The following ST18 variants were observed in gnomAD, a reference collection of about 807,000 sequenced individuals.
The protein encoded by ST18 is suppression of tumorigenicity 18 protein.
A neutral mutation model predicts 110.0 loss-of-function variants in ST18; 50 were observed. The ratio of observed to expected loss-of-function variants is 0.45; its 90% CI spans 0.36 to 0.58. The LOEUF (loss-of-function observed/expected upper bound fraction) is 0.58, where lower values mean the gene tolerates loss of function less well. Ranked by LOEUF, ST18 falls within the 20% of genes least tolerant of loss-of-function variation. The probability of loss-of-function intolerance (pLI) is 0.00; values close to 1 mark genes in which losing one functional copy is unlikely to be tolerated. For synonymous variants in ST18, 461 were observed against 452.4 expected (o/e 1.02, Z -0.24); for missense variants, 1,306 against 1,280.1 (o/e 1.02, Z -0.31).
chr8:52,185,571 TA>T (rs1037785532), intron 8 of ST18, among the ~76,000 whole-genome samples: 6 of 151,762 alleles, frequency 4.0e-5, no homozygotes, highest in African/African-American at 1.5e-4. Flanking sequence ...GTGCAAATAT[TA>T]AAAAAAACAG....
At chr8:52,331,871 G>A (rs1809593697) in intron 2 of ST18, among the ~76,000 whole-genome samples, 4 of 152,118 alleles carry the variant, frequency 2.6e-5, no homozygotes, top group African/African-American at 9.7e-5. Context: ...CAAGCACTCA[G>A]TAAATGCTTT....
intron 2 of ST18, among the ~76,000 whole-genome samples, chr8:52,300,784 C>A (rs1383515724): frequency 6.6e-6 from 1 of 152,144 alleles, no homozygotes; most frequent in East Asian, 1.9e-4. Flanking sequence ...CTGATGATGA[C>A]CGTATGGCCC....
intron 2 of ST18, among the ~76,000 whole-genome samples, chr8:52,391,787 A>G (rs575804957): frequency 6.6e-6 from 1 of 152,342 alleles, no homozygotes; most frequent in African/African-American, 2.4e-5. Context: ...TGGGCAACAC[A>G]TGACTGTAAT....
intron 2 of ST18, among the ~76,000 whole-genome samples, chr8:52,315,992 T>C (rs1265836529): frequency 6.6e-6 from 1 of 152,252 alleles, no homozygotes; most frequent in African/African-American, 2.4e-5. Context: ...GAATCTTCTC[T>C]ACTTATTCAT....
intron 2 of ST18, among the ~76,000 whole-genome samples, chr8:52,274,308 ATATGT>A (rs2095168386): frequency 6.6e-6 from 1 of 152,158 alleles, no homozygotes; most frequent in South Asian, 2.1e-4. Flanking sequence ...TTAACATAAA[ATATGT>A]TATGTAGATA....
chr8:52,179,201 A>T (rs766398211), intron 9 of ST18, among the ~76,000 whole-genome samples: 42 of 152,272 alleles, frequency 2.8e-4, no homozygotes, highest in Admixed American at 6.5e-4. Context: ...GAGTTTTTGC[A>T]TGTCCCTCAG....
intron 15 of ST18, among the ~76,000 whole-genome samples, chr8:52,157,633 A>AT (rs1411088814): frequency 6.6e-6 from 1 of 152,224 alleles, no homozygotes; most frequent in African/African-American, 2.4e-5. Flanking sequence ...ATATGCATGT[A>AT]TTTTTTATTT....
chr8:52,407,745 A>C (rs767918261), intron 2 of ST18: 5 of 152,210 alleles, frequency 3.3e-5, no homozygotes, highest in Non-Finnish European at 5.9e-5. Context: ...TTTCACTTTA[A>C]GTTTCAAGAC....
intron 2 of ST18, among the ~76,000 whole-genome samples, chr8:52,293,413 G>A (rs1277759021): frequency 2.6e-5 from 4 of 152,200 alleles, no homozygotes; most frequent in African/African-American, 9.6e-5. Context: ...GTAACTTAGG[G>A]AGCATGTTCT....
intron 17 of ST18, among the ~76,000 whole-genome samples, chr8:52,141,121 T>A (rs2054856460): frequency 6.6e-6 from 1 of 152,160 alleles, no homozygotes; most frequent in Non-Finnish European, 1.5e-5. Context: ...GGACATCAAG[T>A]TTACAAGGGA....
chr8:52,166,829 T>C (rs1158992800), intron 11 of ST18, 23 bp downstream of exon 11: 1 of 1,542,798 alleles, frequency 6.5e-7, no homozygotes, highest in Admixed American at 1.9e-5. Context: ...AAGCAGAAGC[T>C]TTGAGGGACA....
At chr8:52,206,480 T>C (rs1028407519) in intron 8 of ST18, 3 of 152,254 alleles carry the variant, frequency 2.0e-5, no homozygotes, top group Non-Finnish European at 4.4e-5. Flanking sequence ...CATAAAATAA[T>C]CTCTGGAATG....
intron 8 of ST18, among the ~76,000 whole-genome samples, chr8:52,208,455 A>G (rs1343948087): frequency 6.6e-6 from 1 of 152,264 alleles, no homozygotes; most frequent in African/African-American, 2.4e-5. Flanking sequence ...AAGCTTCCAT[A>G]TGAATCAGTA....
At chr8:52,364,236 C>T (rs944434800) in intron 2 of ST18, among the ~76,000 whole-genome samples, 1 of 151,980 alleles carries the variant, frequency 6.6e-6, no homozygotes, top group Admixed American at 6.5e-5. Context: ...TTATAGCTAA[C>T]CTTTGCTTTT....
chr8:52,270,231 TAA>T (rs945939781), intron 2 of ST18, among the ~76,000 whole-genome samples: 1 of 152,234 alleles, frequency 6.6e-6, no homozygotes, highest in African/African-American at 2.4e-5. Flanking sequence ...CCTCATAGCA[TAA>T]GAGTTAAATC....
At chr8:52,375,674 C>T (rs1009438040) in intron 2 of ST18, among the ~76,000 whole-genome samples, 1 of 152,180 alleles carries the variant, frequency 6.6e-6, no homozygotes, top group African/African-American at 2.4e-5. Context: ...CAGATTTAAA[C>T]ACCCTCCGTA....
intron 2 of ST18, among the ~76,000 whole-genome samples, chr8:52,349,192 C>T (rs1819141212): frequency 6.6e-6 from 1 of 152,140 alleles, no homozygotes; most frequent in Non-Finnish European, 1.5e-5. Flanking sequence ...TCTTCTTTCT[C>T]CCTTCCCTTC....
intron 2 of ST18, among the ~76,000 whole-genome samples, chr8:52,291,252 C>A (rs2139347852): frequency 6.6e-6 from 1 of 152,376 alleles, no homozygotes; most frequent in Middle Eastern, 3.4e-3. Flanking sequence ...GCCTTTTCCT[C>A]CCCACTGTAG....
intron 10 of ST18, among the ~76,000 whole-genome samples, chr8:52,169,850 A>G (rs1370611322): frequency 1.3e-5 from 2 of 152,196 alleles, no homozygotes; most frequent in African/African-American, 4.8e-5. Flanking sequence ...CCCATGCCTC[A>G]GGCACTAGGA....
Sources: gnomAD v4.1 joint callset for allele counts (sites outside exome capture counted in the v4.1 genomes callset) on GRCh38, gnomAD v4.1.1 for gene constraint, MANE v1.5 for transcripts, NCBI Gene and HGNC (gene_info 2026-07-23, HGNC 2026-07-21) for gene names.